Variants in ELOVL5 observed in about 807,000 individuals in gnomAD.
ELOVL5 encodes the protein ELOVL fatty acid elongase 5.
In ELOVL5, 8 loss-of-function variants were observed where a neutral mutation model predicts 38.6. The observed-to-expected ratio is 0.21, with a 90% CI of 0.12 to 0.37. The LOEUF (loss-of-function observed/expected upper bound fraction) is 0.37, where lower values mean the gene tolerates loss of function less well. Ranked by LOEUF, ELOVL5 falls within the 10% of genes least tolerant of loss-of-function variation. The probability of loss-of-function intolerance (pLI) is 1.00; values close to 1 mark genes in which losing one functional copy is unlikely to be tolerated. For synonymous variants in ELOVL5, 127 were observed against 133.7 expected (o/e 0.95, Z 0.34); for missense variants, 280 against 367.8 (o/e 0.76, Z 1.95).
intron 3 of ELOVL5, 151 bp from the exon 4 acceptor site, chr6:53,276,407 AC>A: frequency 1.6e-6 from 1 of 618,048 alleles, no homozygotes; most frequent in Non-Finnish European, 2.9e-6. Flanking sequence ...GCAAGTGTAA[AC>A]AAAAGGAAAG....
intron 3 of ELOVL5, among the ~76,000 whole-genome samples, chr6:53,283,093 A>C (rs981146597): frequency 7.9e-5 from 12 of 152,200 alleles, no homozygotes; most frequent in Non-Finnish European, 1.5e-4. Flanking sequence ...AGGAAAAAAA[A>C]CTGACTTCTG....
chr6:53,318,631 T>C (rs1245160249), intron 1 of ELOVL5, among the ~76,000 whole-genome samples: 2 of 152,100 alleles, frequency 1.3e-5, no homozygotes, highest in Admixed American at 6.5e-5. Flanking sequence ...CTGCAGCTAC[T>C]CAGAAGGCTG....
intron 1 of ELOVL5, among the ~76,000 whole-genome samples, chr6:53,312,658 CAG>C (rs1200441844): frequency 6.6e-6 from 1 of 152,182 alleles, no homozygotes; most frequent in East Asian, 1.9e-4. Context: ...CTGGGGGAAA[CAG>C]GGTAGAGAGT....
chr6:53,316,049 A>T (rs1213507939), intron 1 of ELOVL5, among the ~76,000 whole-genome samples: 1 of 152,220 alleles, frequency 6.6e-6, no homozygotes, highest in African/African-American at 2.4e-5. Flanking sequence ...CTTATACCTC[A>T]TGGAGTTGCT....
intron 1 of ELOVL5, among the ~76,000 whole-genome samples, chr6:53,343,929 T>A (rs973208038): frequency 5.9e-5 from 9 of 152,236 alleles, no homozygotes; most frequent in Admixed American, 4.6e-4. Context: ...TGCACCACCT[T>A]TGGTAACATT....
Position 53,348,840 on chromosome 6 carries a change from A to G in ELOVL5, c.-32T>C, listed in dbSNP as rs1388112358. 2.2e-6 allele frequency: 1 copy of G among 458,330 alleles called. No homozygotes were observed. Among genetic ancestry groups the G allele is most frequent in the South Asian group, 1.5e-5 (1 of 65,044 alleles). The allele number at this position is 458,330 out of a possible 1,614,324, so 28.4% of individuals were successfully genotyped here. ...ACCTTTTAGCCCAAGGGGCGGCAGC[A>G]GCTTTGAGCAGCAGCAAGGCGGCGG... On this transcript the variant is annotated 5_prime_UTR_variant, in exon 1 of 8. Transcript: ENST00000304434.
intron 1 of ELOVL5, among the ~76,000 whole-genome samples, chr6:53,336,280 G>T (rs1769063752): frequency 6.6e-6 from 1 of 152,152 alleles, no homozygotes; most frequent in Admixed American, 6.5e-5. Context: ...CTGACCAAGT[G>T]GCTACTGAGG....
At position 53,293,828 on chromosome 6, in the gene ELOVL5, C is replaced by T. The variant is rs569375334; in HGVS notation, c.58+1814G>A. Among the ~76,000 whole-genome samples, 9 of 152,302 alleles carry T rather than the reference C, an allele frequency of 5.9e-5. No individual in the cohort carries two copies. The South Asian group carries it at 6.2e-4, about 11-fold the overall frequency. ...TGCTTTGGCTTCAGAGGGACATGCC[C>T]TCCACACCCTCCCCACTAGTTATGC... is the stretch of plus-strand genomic sequence containing the variant. On this transcript the variant is annotated intron_variant, in intron 2 of 7. Coordinates refer to ENST00000304434, the MANE Select transcript of ELOVL5 (RefSeq NM_021814.5).
At position 53,297,500 on chromosome 6, in the gene ELOVL5, C is replaced by T. The variant is rs139684761; in HGVS notation, c.-8-1793G>A. 2.5e-3 allele frequency among the ~76,000 whole-genome samples: 378 copies of T among 152,268 alleles called. 2 individuals carry two copies. Among genetic ancestry groups the T allele is most frequent in the African/African-American group, 8.8e-3 (364 of 41,534 alleles). On this transcript the variant is annotated intron_variant, in intron 1 of 7. Transcript: ENST00000304434. ...ATCTCTTTGTCCAGCGTATCCTCAC[C>T]GTAGACACTTCTTCACCCTTGAGTC...
At chr6:53,333,796 C>A (rs974615944) in intron 1 of ELOVL5, among the ~76,000 whole-genome samples, 7 of 152,084 alleles carry the variant, frequency 4.6e-5, no homozygotes, top group African/African-American at 1.4e-4. Flanking sequence ...AGTCATGCCC[C>A]ATATCTATAT....
intron 1 of ELOVL5, among the ~76,000 whole-genome samples, chr6:53,309,680 G>A (rs1767746546): frequency 6.6e-6 from 1 of 152,180 alleles, no homozygotes; most frequent in Admixed American, 6.5e-5. Flanking sequence ...GATAACAGAT[G>A]TTGTGGCTTC....
intron 1 of ELOVL5, among the ~76,000 whole-genome samples, chr6:53,305,286 G>T (rs1464279220): frequency 1.6e-5 from 2 of 127,792 alleles, no homozygotes; most frequent in African/African-American, 3.2e-5. Flanking sequence ...CCGGGCAGAG[G>T]CGCCCCTCAC....
At chr6:53,287,779 T>A in intron 3 of ELOVL5, 1 of 1,265,118 alleles carries the variant, frequency 7.9e-7, no homozygotes, top group Non-Finnish European at 1.1e-6. Flanking sequence ...CCGGAGTGCC[T>A]CCTTCTGAGG....
chr6:53,337,810 G>A (rs1311281678), intron 1 of ELOVL5, among the ~76,000 whole-genome samples: 2 of 152,210 alleles, frequency 1.3e-5, no homozygotes, highest in Non-Finnish European at 2.9e-5. Flanking sequence ...ACATGCTATG[G>A]AAGGCTGGGG....
intron 2 of ELOVL5, chr6:53,294,270 T>C: frequency 6.4e-7 from 1 of 1,554,342 alleles, no homozygotes; most frequent in Non-Finnish European, 8.7e-7. Flanking sequence ...CCTAACCCCC[T>C]CTGGTGGCTG....
chr6:53,319,926 T>C (rs1268998377), intron 1 of ELOVL5, among the ~76,000 whole-genome samples: 3 of 152,368 alleles, frequency 2.0e-5, no homozygotes, highest in African/African-American at 7.2e-5. Context: ...CTTGGAAATG[T>C]GTAAGTAAGA....
chr6:53,269,434 G>C (rs1466954946), intron 7 of ELOVL5, among the ~76,000 whole-genome samples, 164 bp from the exon 8 acceptor site: 2 of 151,870 alleles, frequency 1.3e-5, no homozygotes, highest in Admixed American at 6.6e-5. Flanking sequence ...TTTGTCACTG[G>C]TTTCAATCAT....
chr6:53,294,601 T>C lies in ELOVL5; in HGVS notation c.58+1041A>G, dbSNP rs2294858. 81,992 of 1,378,578 alleles carry C rather than the reference T, an allele frequency of 0.059. 3,422 individuals are homozygous for C. The highest frequency in any genetic ancestry group is 0.25 in the Admixed American group (8,677 of 34,686). The allele number at this position is 1,378,578 out of a possible 1,614,324, so 85.4% of individuals were successfully genotyped here. A position where few individuals can be genotyped will look rare whatever the true frequency, so the allele number is the denominator to read the frequency against. On this transcript the variant is annotated intron_variant, in intron 2 of 7. Transcript: ENST00000304434. Reference sequence around the variant, plus strand: ...ACCTGGTAATGCAAGCTAATAATTATTATTATTATTTTAGCCATTTAGAGT... The same window carrying C: ...ACCTGGTAATGCAAGCTAATAATTACTATTATTATTTTAGCCATTTAGAGT...
At chr6:53,307,178 G>C (rs935657694) in intron 1 of ELOVL5, among the ~76,000 whole-genome samples, 2 of 152,224 alleles carry the variant, frequency 1.3e-5, no homozygotes, top group African/African-American at 4.8e-5. Flanking sequence ...GAAAGTGACA[G>C]AGACAGACAT....
Sources: allele counts gnomAD v4.1 joint callset (sites outside exome capture counted in the v4.1 genomes callset), GRCh38; gene constraint gnomAD v4.1.1; transcripts MANE v1.5; gene names NCBI Gene and HGNC (gene_info 2026-07-23, HGNC 2026-07-21).